Variants in SLC38A10 observed in about 807,000 individuals in gnomAD.
SLC38A10 encodes Sodium-coupled neutral amino acid transporter 10.
Under a neutral mutation model 81.0 loss-of-function variants are expected in SLC38A10, and 53 were observed. The ratio of observed to expected loss-of-function variants is 0.65; its 90% CI spans 0.53 to 0.82. SLC38A10 has a LOEUF of 0.82. Ranked by LOEUF, SLC38A10 falls within the 40% of genes least tolerant of loss-of-function variation. The probability of loss-of-function intolerance (pLI) is 0.00; values close to 1 mark genes in which losing one functional copy is unlikely to be tolerated. For missense variants in SLC38A10, 1,471 were observed against 1,545.0 expected, an observed-to-expected ratio of 0.95 and a Z score of 0.80; for synonymous variants, 665 against 655.3, an observed-to-expected ratio of 1.01 and a Z score of -0.23.
chr17:81,282,356 T>C (rs1260986537), intron 4 of SLC38A10, 24 bp from the exon 5 acceptor site: 3 of 1,591,892 alleles, frequency 1.9e-6, no homozygotes, highest in Admixed American at 1.8e-5. Flanking sequence ...GCAGGGGGTC[T>C]TGGCCACAGC....
chr17:81,277,236 C>T lies in SLC38A10; in HGVS notation c.627-103G>A, dbSNP rs1598399419. 2.6e-5 allele frequency: 26 copies of T among 988,518 alleles called. No homozygotes were observed. The East Asian group carries it at 6.4e-4, about 24-fold the overall frequency. The allele number at this position is 988,518 out of a possible 1,614,324, so 61.2% of individuals were successfully genotyped here. A position where few individuals can be genotyped will look rare whatever the true frequency, so the allele number is the denominator to read the frequency against. ...CTGCAGCCCAGTGAGAGTCTCTGAC[C>T]TTCCTTCATGCAACATTCTCTGCAC... On this transcript the variant is annotated intron_variant, in intron 6 of 15. Coordinates refer to ENST00000374759, the MANE Select transcript of SLC38A10 (RefSeq NM_001037984.3). The surrounding 1 kb of genome is among the most constrained non-coding windows in gnomAD (Gnocchi z 4.5).
Position 81,283,153 on chromosome 17 carries a change from C to T in SLC38A10, c.357+256G>A, listed in dbSNP as rs1380019270. 6.6e-6 allele frequency among the ~76,000 whole-genome samples: 1 copy of T among 152,164 alleles called. No homozygotes were observed. Among genetic ancestry groups the T allele is most frequent in the African/African-American group, 2.4e-5 (1 of 41,444 alleles). On this transcript the variant is annotated intron_variant, in intron 4 of 15. Transcript: ENST00000374759. The surrounding 1 kb of genome is among the most constrained non-coding windows in gnomAD (Gnocchi z 4.7). ...TGGCAGAGACTTGCTCTGCACTGTG[C>T]CCGGGTCTGAGGCTCCCCCACCCGC...
At chr17:81,266,824 G>A (rs938717220) in intron 10 of SLC38A10, among the ~76,000 whole-genome samples, 3 of 152,142 alleles carry the variant, frequency 2.0e-5, no homozygotes, top group African/African-American at 7.2e-5. Flanking sequence ...GTGTAAAGAC[G>A]GCAATTCCCA....
At position 81,265,758 on chromosome 17, in the gene SLC38A10, G is replaced by A. The variant is rs941997797; in HGVS notation, c.1131+5160C>T. On this transcript the variant is annotated intron_variant, in intron 10 of 15. Transcript: ENST00000374759. This position sits in a 1 kb window ranked among gnomAD's most constrained non-coding sequence, Gnocchi z 4.2. ...CCACAGGCCCAGGGTACGGCCTTGC[G>A]GTGCTGACATCTCCGTACCTAAGGA... Among the ~76,000 whole-genome samples the A allele has an allele frequency of 7.9e-5, 12 of 152,228 alleles. No homozygotes were observed. Among genetic ancestry groups the A allele is most frequent in the Non-Finnish European group, 1.3e-4 (9 of 68,024 alleles).
At position 81,270,765 on chromosome 17, in the gene SLC38A10, C is replaced by T. The variant is rs1244022279; in HGVS notation, c.1131+153G>A. ...TGCGTCCTGGTGAACCCAGGGTTCC[C>T]CAGGCTGACTGGACCAAGTCCCTTT... is the stretch of plus-strand genomic sequence containing the variant. On this transcript the variant is annotated intron_variant, in intron 10 of 15. Transcript: ENST00000374759. The surrounding 1 kb of genome is among the most constrained non-coding windows in gnomAD (Gnocchi z 4.0). Among the ~76,000 whole-genome samples, 1 of 152,180 alleles carries T rather than the reference C, an allele frequency of 6.6e-6. No individual in the cohort carries two copies. Among genetic ancestry groups the T allele is most frequent in the Non-Finnish European group, 1.5e-5 (1 of 68,038 alleles).
chr17:81,295,152 G>C lies in SLC38A10; in HGVS notation c.-231C>G, dbSNP rs947795778. 1.0e-5 allele frequency: 6 copies of C among 595,616 alleles called. No individual in the cohort carries two copies. Among genetic ancestry groups the C allele is most frequent in the Middle Eastern group, 1.3e-3 (2 of 1,564 alleles). 36.9% of individuals were successfully genotyped at this position (595,616 alleles called of 1,614,324 possible). On this transcript the variant is annotated 5_prime_UTR_variant, in exon 1 of 16. Coordinates refer to ENST00000374759, the MANE Select transcript of SLC38A10 (RefSeq NM_001037984.3). ...GCTGCGGGGGCGAGGTCAACCTCCG[G>C]ACCCCGCCAAGCCCTGCGGCCGCCT...
chr17:81,268,322 A>G (rs1462495245), intron 10 of SLC38A10, among the ~76,000 whole-genome samples: 1 of 148,752 alleles, frequency 6.7e-6, no homozygotes, highest in Non-Finnish European at 1.5e-5. Flanking sequence ...AATACCAGGC[A>G]CACTAGAAAA....
At position 81,284,834 on chromosome 17, in the gene SLC38A10, G is replaced by A. The variant is rs987481267; in HGVS notation, c.263+16C>T. 3.3e-6 allele frequency: 5 copies of A among 1,524,440 alleles called. No homozygotes were observed. The highest frequency in any genetic ancestry group is 4.1e-5 in the Admixed American group (2 of 48,446). The allele number at this position is 1,524,440 out of a possible 1,614,324, so 94.4% of individuals were successfully genotyped here. On this transcript the variant is annotated intron_variant, in intron 3 of 15. Coordinates refer to ENST00000374759, the MANE Select transcript of SLC38A10 (RefSeq NM_001037984.3). Reference sequence around the variant, plus strand: ...GCGGGGGTGGGGGGCAAGCGCAGCGGCAGGGCGGGGCTTACCTGGTCTCCA... The same window carrying A: ...GCGGGGGTGGGGGGCAAGCGCAGCGACAGGGCGGGGCTTACCTGGTCTCCA...
chr17:81,294,759 C>T (rs1020141486), intron 1 of SLC38A10, 64 bp downstream of exon 1: 2 of 1,456,180 alleles, frequency 1.4e-6, no homozygotes, highest in Non-Finnish European at 1.8e-6. Context: ...ACCAGGACGA[C>T]CCAGCCAGAC....
intron 1 of SLC38A10, among the ~76,000 whole-genome samples, chr17:81,294,581 T>C (rs1422758445): frequency 6.6e-6 from 1 of 152,208 alleles, no homozygotes; most frequent in African/African-American, 2.4e-5. Context: ...TATCGAGTTT[T>C]TGAGTGTGGG....
intron 11 of SLC38A10, among the ~76,000 whole-genome samples, chr17:81,258,142 A>T (rs2062989396): frequency 6.6e-6 from 1 of 152,206 alleles, no homozygotes; most frequent in African/African-American, 2.4e-5. Flanking sequence ...TCACGGCCAC[A>T]GCCCAGGGCC....
rs1333006369 is a variant in SLC38A10, at chr17:81,277,344, C to A, written c.627-211G>T. 6.6e-6 allele frequency among the ~76,000 whole-genome samples: 1 copy of A among 152,206 alleles called. No homozygotes were observed. The highest frequency in any genetic ancestry group is 1.5e-5 in the Non-Finnish European group (1 of 68,020). The stretch of plus-strand genomic sequence containing the variant: ...AGCAGCCCCCACTCAGGACACCCCC[C>A]AGAGCGTGCACCATGCGAACATTCC... On this transcript the variant is annotated intron_variant, in intron 6 of 15. Transcript: ENST00000374759. The surrounding 1 kb of genome is among the most constrained non-coding windows in gnomAD (Gnocchi z 4.5).
intron 1 of SLC38A10, among the ~76,000 whole-genome samples, chr17:81,293,900 G>A (rs141002129): frequency 5.4e-4 from 82 of 152,354 alleles, no homozygotes; most frequent in African/African-American, 1.9e-3. Flanking sequence ...ATGACACTTA[G>A]AAATGGCCAT....
rs771949329 is a variant in SLC38A10 at position 81,252,460 on chromosome 17, C to G, written c.1680G>C (p.Arg560Ser). ...CCTCCAAGGCCTGGGCCTGTCCAGG[C>G]CTCTTCCCAACCTCTCCCTGCTCCG... ...QEPEQGEVGK[R>S]PGQAQALEEA... The change falls in exon 13 of 16, where the codon AGG (arginine) becomes AGC (serine). Residue 560 changes from arginine (R) to serine (S), a missense_variant. Physicochemically the swap from Arg to Ser is moderately radical, Grantham distance 110. Transcript: ENST00000374759. 1.9e-6 allele frequency: 3 copies of G among 1,613,318 alleles called. No individual in the cohort carries two copies. The highest frequency in any genetic ancestry group is 2.5e-6 in the Non-Finnish European group (3 of 1,179,992).
intron 11 of SLC38A10, among the ~76,000 whole-genome samples, chr17:81,254,370 A>G (rs1042233959): frequency 2.6e-5 from 4 of 152,258 alleles, no homozygotes; most frequent in Non-Finnish European, 5.9e-5. Context: ...CAAACTGTAG[A>G]GGGAAGGTAC....
At position 81,252,420 on chromosome 17, in the gene SLC38A10, G is replaced by T. The variant is rs550650325; in HGVS notation, c.1720C>A (p.Pro574Thr). The change falls in exon 13 of 16, where the codon CCT becomes ACT. Residue 574 changes from proline to threonine, a missense_variant. Pro to Thr is a conservative substitution (Grantham distance 38, BLOSUM62 -1). Coordinates refer to ENST00000374759, the MANE Select transcript of SLC38A10 (RefSeq NM_001037984.3). The stretch of plus-strand genomic sequence containing the variant: ...TCTGGAACTTTCTGGGGATCTTCAG[G>T]AAGATCACCCGCCTCCTCCAAGGCC... ...AQALEEAGDL[P>T]EDPQKVPEAD... 1 of 1,613,206 alleles carries T rather than the reference G, an allele frequency of 6.2e-7. No individual in the cohort carries two copies. The highest frequency in any genetic ancestry group is 1.1e-5 in the South Asian group (1 of 91,088).
At chr17:81,266,088 T>A (rs188477940) in intron 10 of SLC38A10, among the ~76,000 whole-genome samples, 38 of 152,220 alleles carry the variant, frequency 2.5e-4, no homozygotes, top group African/African-American at 9.2e-4. Flanking sequence ...CTAGAAGCCA[T>A]CCCAGAGTCA....
At chr17:81,267,112 G>A (rs59105556) in intron 10 of SLC38A10, among the ~76,000 whole-genome samples, 4,866 of 152,220 alleles carry the variant, frequency 0.032, 154 homozygotes, top group African/African-American at 0.086. Context: ...GGGCAGACCA[G>A]CCAATAAAGT....
rs769887616 is a variant in SLC38A10, at chr17:81,246,107, G to A, written c.2809C>T (p.Leu937Phe). ...GCCCCACCGGGCAGGTCCGCTGCAA[G>A]GCCCAGGTCTCGGCTCACTTGCTTG... ...KPKQVSRDLG[L>F]AADLPGGAEG... Residue 937 changes from leucine (L) to phenylalanine (F), a missense_variant, in exon 16 of 16, where the codon CTT becomes TTT. Physicochemically the swap from Leu to Phe is conservative, Grantham distance 22 (BLOSUM62 0). Around this residue, in one of 2 missense-constraint regions of SLC38A10, gnomAD observed 751 missense variants for 717.4 expected, o/e 1.05. Coordinates refer to ENST00000374759, the MANE Select transcript of SLC38A10 (RefSeq NM_001037984.3). The A allele has an allele frequency of 3.1e-6, 5 of 1,608,804 alleles. No homozygotes were observed. Among genetic ancestry groups the A allele is most frequent in the Non-Finnish European group, 4.2e-6 (5 of 1,179,460 alleles).
Sources: allele counts gnomAD v4.1 joint callset (sites outside exome capture counted in the v4.1 genomes callset), GRCh38; gene constraint gnomAD v4.1.1; regional missense constraint gnomAD v4.1.1; non-coding constraint Gnocchi (gnomAD v3.1); transcripts MANE v1.5; gene names NCBI Gene and HGNC (gene_info 2026-07-23, HGNC 2026-07-21).